Variants in IAH1 observed in about 807,000 individuals in gnomAD.
IAH1 encodes isoamyl acetate hydrolyzing esterase 1 (putative), also known as isoamyl acetate-hydrolyzing esterase 1 homolog.
A neutral mutation model predicts 26.7 loss-of-function variants in IAH1; 24 were observed. The ratio of observed to expected loss-of-function variants is 0.90; its 90% CI spans 0.65 to 1.26. The LOEUF (loss-of-function observed/expected upper bound fraction) is 1.26. Ranked by LOEUF, IAH1 falls within the 50% of genes most tolerant of loss-of-function variation. IAH1 has a pLI of 0.00. For synonymous variants in IAH1, 140 were observed against 118.5 expected (o/e 1.18, Z -1.18); for missense variants, 300 against 299.9 (o/e 1.00, Z 0.00).
chr2:9,474,380 C>G (rs376387044), upstream of IAH1: 79 of 427,286 alleles, frequency 1.8e-4, no homozygotes, highest in African/African-American at 1.5e-3. This position sits in a 1 kb window ranked among gnomAD's most constrained non-coding sequence, Gnocchi z 4.3. Context: ...TGGGGGCAGC[C>G]TTGCTGTGGG....
At chr2:9,492,757 A>AG, downstream of IAH1, 4 of 609,142 alleles carry the variant, frequency 6.6e-6, no homozygotes, top group Non-Finnish European at 1.1e-5. Flanking sequence ...ATGTTCCCCT[A>AG]GGAATAACAA....
intron 3 of IAH1, among the ~76,000 whole-genome samples, chr2:9,479,617 C>G (rs1034313680): frequency 1.3e-5 from 2 of 152,086 alleles, no homozygotes; most frequent in Non-Finnish European, 2.9e-5. Flanking sequence ...GTAATACTTA[C>G]AGCTGACACG....
chr2:9,490,553 TAA>T (rs1662049691), downstream of IAH1: 1 of 1,575,306 alleles, frequency 6.3e-7, no homozygotes, highest in African/African-American at 1.4e-5. Flanking sequence ...TTGATAGGAA[TAA>T]AAGATGAATC....
the IAH1 span, chr2:9,510,229 C>G: frequency 1.7e-6 from 2 of 1,193,416 alleles, no homozygotes; most frequent in Non-Finnish European, 2.4e-6. Context: ...GCCTTATAAT[C>G]AGATCAACAA....
chr2:9,490,144 T>C (rs747638598), downstream of IAH1: 3 of 1,530,898 alleles, frequency 2.0e-6, no homozygotes, highest in Non-Finnish European at 2.7e-6. Context: ...AAAAATATTT[T>C]GCACACTTAA....
chr2:9,484,597 A>T (rs1470668043), intron 5 of IAH1, 47 bp downstream of exon 5: 3 of 1,273,850 alleles, frequency 2.4e-6, no homozygotes, highest in Non-Finnish European at 3.4e-6. Context: ...GATCACACAG[A>T]AGTAAACCAG....
chr2:9,481,401 G>A lies in IAH1; in HGVS notation c.399G>A (p.Pro133=), dbSNP rs201571367. 6.4e-4 allele frequency: 1,039 copies of A among 1,613,964 alleles called. 1 individual carries two copies. The highest frequency in any genetic ancestry group is 8.0e-4 in the Non-Finnish European group (947 of 1,180,022). ...AGAATCGAGTCATTCTCATCACGCC[G>A]ACCCCACTTTGTGAAACAGCCTGGG... The part of the protein sequence containing the change: ...IPENRVILIT[P]TPLCETAWEE... Residue 133 remains proline, a synonymous_variant, in exon 4 of 6, where the codon CCG becomes CCA. Coordinates refer to ENST00000497473, the MANE Select transcript of IAH1 (RefSeq NM_001039613.3).
At chr2:9,487,831 TGTGCGC>T (rs769673968) in intron 5 of IAH1, among the ~76,000 whole-genome samples, 11,477 of 80,170 alleles carry the variant, frequency 0.14, 497 homozygotes, top group African/African-American at 0.18. Context: ...TGTGTGTGTG[TGTGCGC>T]GCGCGCGCGC....
At chr2:9,494,595 C>T (rs761236393), downstream of IAH1, 10 of 1,603,520 alleles carry the variant, frequency 6.2e-6, no homozygotes, top group Non-Finnish European at 8.5e-6. Flanking sequence ...ATAAAAACTT[C>T]CTATCTGGCT....
At chr2:9,512,209 T>G in the IAH1 span, 1 of 151,954 alleles carries the variant, frequency 6.6e-6, no homozygotes, top group Non-Finnish European at 1.5e-5. Context: ...AAGAGAAATA[T>G]CTCCTAACTG....
chr2:9,474,473 G>A (rs1469661724), upstream of IAH1: 2 of 640,660 alleles, frequency 3.1e-6, no homozygotes, highest in African/African-American at 3.9e-5. The surrounding 1 kb of genome is among the most constrained non-coding windows in gnomAD (Gnocchi z 4.3). Flanking sequence ...GACTGCGTGG[G>A]TGCCCACGAG....
At chr2:9,498,793 G>GATACCAA (rs1355917227), downstream of IAH1, among the ~76,000 whole-genome samples, 14 of 152,204 alleles carry the variant, frequency 9.2e-5, no homozygotes, top group Non-Finnish European at 2.1e-4. Flanking sequence ...TTTGGTATAT[G>GATACCAA]ATACTGCCCT....
At position 9,488,431 on chromosome 2, in the gene IAH1, T is replaced by C. The variant is rs1249398736; in HGVS notation, c.*102T>C. 1.2e-6 allele frequency: 1 copy of C among 820,450 alleles called. No homozygotes were observed. Among genetic ancestry groups the C allele is most frequent in the East Asian group, 2.7e-5 (1 of 37,002 alleles). 50.8% of individuals were successfully genotyped at this position (820,450 alleles called of 1,614,324 possible). On this transcript the variant is annotated 3_prime_UTR_variant, in exon 6 of 6. Transcript: ENST00000497473. ...CTCAGGCTTAAACCTTTGCCACTGATATTAATAATAAAAGTATTAGATGAT... is the reference window on the plus strand; with the variant it reads ...CTCAGGCTTAAACCTTTGCCACTGACATTAATAATAAAAGTATTAGATGAT...
chr2:9,507,410 G>T, the IAH1 span, among the ~76,000 whole-genome samples: 1 of 152,142 alleles, frequency 6.6e-6, no homozygotes, highest in African/African-American at 2.4e-5. Context: ...GCTAAGGCAG[G>T]AGAATCGCTT....
intron 5 of IAH1, chr2:9,485,705 G>C (rs2124925243): frequency 6.5e-6 from 1 of 152,772 alleles, no homozygotes; most frequent in Middle Eastern, 3.4e-3. Context: ...GTGGCCAGAG[G>C]TTAGGGCAAG....
downstream of IAH1, chr2:9,490,185 C>CTGT (rs1662005144): frequency 6.3e-7 from 1 of 1,592,894 alleles, no homozygotes; most frequent in Non-Finnish European, 8.6e-7. Context: ...AATTAGCACT[C>CTGT]TGTTTCTTTG....
At position 9,488,257 on chromosome 2, in the gene IAH1, G is replaced by A; in HGVS notation, c.675G>A (p.Leu225=). 1.2e-6 allele frequency: 2 copies of A among 1,613,586 alleles called. No homozygotes were observed. The highest frequency in any genetic ancestry group is 1.7e-6 in the Non-Finnish European group (2 of 1,179,934). The part of the protein sequence containing the change: ...LIEKKVSSLP[L]LLPYWRDVAE... ...AGAAAAAGGTCTCTTCTCTACCTTTGCTGCTTCCTTACTGGCGGGATGTAG... is the reference window on the plus strand; with the variant it reads ...AGAAAAAGGTCTCTTCTCTACCTTTACTGCTTCCTTACTGGCGGGATGTAG... Residue 225 remains leucine, a synonymous_variant, in exon 6 of 6, where the codon TTG becomes TTA. Coordinates refer to ENST00000497473, the MANE Select transcript of IAH1 (RefSeq NM_001039613.3).
the IAH1 span, chr2:9,505,270 G>A: frequency 1.2e-6 from 2 of 1,614,086 alleles, no homozygotes; most frequent in Non-Finnish European, 1.7e-6. Context: ...CCACCCTCGA[G>A]TTCCCACAAA....
At chr2:9,503,535 T>A in the IAH1 span, among the ~76,000 whole-genome samples, 3 of 152,216 alleles carry the variant, frequency 2.0e-5, no homozygotes, top group Non-Finnish European at 4.4e-5. Flanking sequence ...ATCTTATCTC[T>A]GTTGCCCAAA....
Sources: allele counts gnomAD v4.1 joint callset (sites outside exome capture counted in the v4.1 genomes callset), GRCh38; gene constraint gnomAD v4.1.1; non-coding constraint Gnocchi (gnomAD v3.1); transcripts MANE v1.5; gene names NCBI Gene and HGNC (gene_info 2026-07-23, HGNC 2026-07-21).